Variants in STX17 observed in about 807,000 individuals in gnomAD.
STX17 encodes syntaxin 17, also known as syntaxin-17.
STX17 carries 29 observed loss-of-function variants against 35.9 expected under a neutral mutation model. The ratio of observed to expected loss-of-function variants is 0.81; its 90% CI spans 0.60 to 1.10. The LOEUF is 1.10. Ranked by LOEUF, STX17 falls within the 50% of genes least tolerant of loss-of-function variation. The pLI is 0.00. For synonymous variants in STX17, 92 were observed against 118.3 expected, an observed-to-expected ratio of 0.78 and a Z score of 1.44; for missense variants, 312 against 352.3, an observed-to-expected ratio of 0.89 and a Z score of 0.92.
intron 4 of STX17, among the ~76,000 whole-genome samples, chr9:99,958,080 C>T (rs1178439955): frequency 6.6e-6 from 1 of 152,154 alleles, no homozygotes; most frequent in Non-Finnish European, 1.5e-5. Flanking sequence ...TTTACAAATG[C>T]CATGAATAAT....
chr9:99,907,292 A>G (rs537837892), intron 1 of STX17: 8 of 152,286 alleles, frequency 5.3e-5, no homozygotes, highest in African/African-American at 1.9e-4. Flanking sequence ...TTTCTCTCCA[A>G]ATTCGGTATC....
At chr9:99,916,779 T>C (rs1828784642) in intron 2 of STX17, among the ~76,000 whole-genome samples, 1 of 152,162 alleles carries the variant, frequency 6.6e-6, no homozygotes, top group Non-Finnish European at 1.5e-5. Flanking sequence ...AAGGAGTTGT[T>C]TAGTAAATGG....
chr9:99,916,623 A>G (rs964694051), intron 2 of STX17, among the ~76,000 whole-genome samples: 5 of 152,094 alleles, frequency 3.3e-5, no homozygotes, highest in African/African-American at 1.2e-4. Flanking sequence ...TTAAAAGTGG[A>G]GAAAATCAGT....
At position 99,915,354 on chromosome 9, in the gene STX17, A is replaced by G. The variant is rs755285339; in HGVS notation, c.115A>G (p.Ile39Val). The change falls in exon 2 of 8, where the codon ATT (isoleucine) becomes GTT (valine). Residue 39 changes from isoleucine (I) to valine (V), a missense_variant. Physicochemically the swap from Ile to Val is conservative, Grantham distance 29. Coordinates refer to ENST00000259400, the MANE Select transcript of STX17 (RefSeq NM_017919.3). ...AAGGTTAAGAAAGCACCAGATAAAT[A>G]TTGAGAAGGTGAGCTGTTTCATTTA... ...LERLRKHQINIEKYQRCRIWD... is the reference protein window; with the variant it reads ...LERLRKHQINVEKYQRCRIWD... 7 of 1,597,642 alleles carry G rather than the reference A, an allele frequency of 4.4e-6. No homozygotes were observed. Among genetic ancestry groups the G allele is most frequent in the South Asian group, 1.1e-5 (1 of 87,912 alleles).
At chr9:99,916,299 T>G (rs1828768439) in intron 2 of STX17, 1 of 174,446 alleles carries the variant, frequency 5.7e-6, no homozygotes, top group Non-Finnish European at 1.2e-5. Context: ...ATTTGGCAGA[T>G]TATGTTGTCT....
intron 3 of STX17, among the ~76,000 whole-genome samples, chr9:99,932,895 AG>A (rs1829153879): frequency 6.6e-6 from 1 of 152,178 alleles, no homozygotes; most frequent in Non-Finnish European, 1.5e-5. Flanking sequence ...AGATTTACGT[AG>A]TAAGAGCTAT....
At chr9:99,964,769 T>TA (rs1234767429) in intron 6 of STX17, among the ~76,000 whole-genome samples, 1 of 152,084 alleles carries the variant, frequency 6.6e-6, no homozygotes, top group African/African-American at 2.4e-5. Flanking sequence ...AGTGGACAGG[T>TA]AGTGACCCAA....
rs538725597 is a variant in STX17, at chr9:99,951,122, A to G, written c.252A>G (p.Leu84=). Residue 84 remains leucine, a synonymous_variant, in exon 4 of 8, where the codon CTA becomes CTG. Coordinates refer to ENST00000259400, the MANE Select transcript of STX17 (RefSeq NM_017919.3). The part of the protein sequence containing the change: ...KLCLKVRKDD[L]VLLKRMIDPV... ...GTTTGAAAGTCCGAAAGGATGACCTAGTACTTCTGAAGAGAATGATAGATC... is the reference window on the plus strand; with the variant it reads ...GTTTGAAAGTCCGAAAGGATGACCTGGTACTTCTGAAGAGAATGATAGATC... 1.9e-6 allele frequency: 3 copies of G among 1,613,000 alleles called. No homozygotes were observed. Among genetic ancestry groups the G allele is most frequent in the African/African-American group, 1.3e-5 (1 of 75,018 alleles).
intron 2 of STX17, among the ~76,000 whole-genome samples, chr9:99,927,279 A>G (rs1829004907): frequency 6.6e-6 from 1 of 152,132 alleles, no homozygotes; most frequent in Non-Finnish European, 1.5e-5. Flanking sequence ...AAAGTGGTTT[A>G]TTTTCAAACA....
chr9:99,943,822 A>G (rs532108258), intron 3 of STX17, among the ~76,000 whole-genome samples: 92 of 152,260 alleles, frequency 6.0e-4, no homozygotes, highest in African/African-American at 2.0e-3. Flanking sequence ...GTGCTATCAT[A>G]AAGAGTTAGA....
chr9:99,961,379 G>T (rs942406962), intron 6 of STX17, among the ~76,000 whole-genome samples: 11 of 152,138 alleles, frequency 7.2e-5, no homozygotes, highest in Non-Finnish European at 1.6e-4. Flanking sequence ...ATATTTCTGG[G>T]GGACTTAACA....
chr9:99,912,739 T>G (rs570670190), intron 1 of STX17, among the ~76,000 whole-genome samples: 2 of 152,196 alleles, frequency 1.3e-5, no homozygotes, highest in South Asian at 4.1e-4. Context: ...TAGAAAATTA[T>G]TTACATGGAA....
chr9:99,959,195 G>T (rs1257227969), intron 4 of STX17, among the ~76,000 whole-genome samples: 1 of 152,118 alleles, frequency 6.6e-6, no homozygotes, highest in Non-Finnish European at 1.5e-5. Context: ...TAGTTATTCA[G>T]ATTGGATAGA....
chr9:99,928,832 C>T lies in STX17; in HGVS notation c.178C>T (p.Arg60Cys), dbSNP rs780746142. 1.1e-5 allele frequency: 17 copies of T among 1,613,088 alleles called. No homozygotes were observed. Among genetic ancestry groups the T allele is most frequent in the Admixed American group, 1.7e-5 (1 of 59,974 alleles). Residue 60 changes from arginine to cysteine, a missense_variant, in exon 3 of 8, where the codon CGT (arginine) becomes TGT (cysteine). Physicochemically the swap from Arg to Cys is radical, Grantham distance 180. Coordinates refer to ENST00000259400, the MANE Select transcript of STX17 (RefSeq NM_017919.3). ...KLHEEHINAG[R>C]TVQQLRSNIR... ...GCATGAAGAGCATATCAATGCAGGA[C>T]GTACAGTTCAGGTAAGGCTATTATA...
At chr9:99,947,284 C>T (rs950918579) in intron 3 of STX17, among the ~76,000 whole-genome samples, 9 of 151,914 alleles carry the variant, frequency 5.9e-5, no homozygotes, top group African/African-American at 2.2e-4. Flanking sequence ...ATTAAAAAAC[C>T]TATATGTTGC....
chr9:99,907,562 C>G (rs73654147), intron 1 of STX17, among the ~76,000 whole-genome samples: 2 of 152,086 alleles, frequency 1.3e-5, no homozygotes, highest in African/African-American at 4.8e-5. Context: ...TCCTGGCACC[C>G]CTCTCTCCAA....
chr9:99,935,371 C>T (rs1222718873), intron 3 of STX17, among the ~76,000 whole-genome samples: 1 of 150,354 alleles, frequency 6.7e-6, no homozygotes, highest in African/African-American at 2.4e-5. Flanking sequence ...CTATAGTTTA[C>T]AGTTTACTAT....
intron 3 of STX17, among the ~76,000 whole-genome samples, chr9:99,939,580 G>C (rs571698568): frequency 6.6e-6 from 1 of 152,316 alleles, no homozygotes; most frequent in Admixed American, 6.5e-5. Context: ...ATGTGGACAA[G>C]ATACTGTGTT....
chr9:99,924,416 T>C (rs1002470959), intron 2 of STX17, among the ~76,000 whole-genome samples: 2 of 151,846 alleles, frequency 1.3e-5, no homozygotes, highest in Non-Finnish European at 2.9e-5. Flanking sequence ...ATATGTAATA[T>C]TTATATAATC....
Sources: allele counts gnomAD v4.1 joint callset (sites outside exome capture counted in the v4.1 genomes callset), GRCh38; gene constraint gnomAD v4.1.1; transcripts MANE v1.5; gene names NCBI Gene and HGNC (gene_info 2026-07-23, HGNC 2026-07-21).